Variants in FBXO21 observed in about 807,000 individuals in gnomAD.
The protein encoded by FBXO21 is F-box protein 21.
Under a neutral mutation model 76.6 loss-of-function variants are expected in FBXO21, and 32 were observed. That is an observed-to-expected ratio of 0.42 (90% CI 0.32 to 0.56). The LOEUF is 0.56. Ranked by LOEUF, FBXO21 falls within the 20% of genes least tolerant of loss-of-function variation. FBXO21 has a pLI of 0.16. For missense variants in FBXO21, 586 were observed against 797.3 expected, an observed-to-expected ratio of 0.73 and a Z score of 3.19; for synonymous variants, 328 against 311.5, an observed-to-expected ratio of 1.05 and a Z score of -0.56.
intron 11 of FBXO21, among the ~76,000 whole-genome samples, chr12:117,151,742 G>C (rs1955844859): frequency 6.6e-6 from 1 of 152,130 alleles, no homozygotes; most frequent in Non-Finnish European, 1.5e-5. Context: ...CAGGGGAGGA[G>C]AGAGGGAGGG....
Position 117,142,673 on chromosome 12 carries a change from C to CAAAAAAAAAAAAA in FBXO21, c.*3401_*3413dup, listed in dbSNP as rs761025781. Reference sequence around the variant, plus strand: ...TCCAGTTGATGTCTCTCCTTCCCTCCAAAAAAAAAAAAAAAAAAAAAAGAC... The same window carrying CAAAAAAAAAAAAA: ...TCCAGTTGATGTCTCTCCTTCCCTCCAAAAAAAAAAAAAAAAAAAAAAAAAAAAAAAAAAAGAC... On this transcript the variant is annotated 3_prime_UTR_variant, in exon 12 of 12. Transcript: ENST00000622495. 9.9e-6 allele frequency: 1 copy of CAAAAAAAAAAAAA among 100,680 alleles called. No homozygotes were observed. Among genetic ancestry groups the CAAAAAAAAAAAAA allele is most frequent in the African/African-American group, 3.8e-5 (1 of 26,058 alleles). The allele number at this position is 100,680 out of a possible 1,614,324, so 6.2% of individuals were successfully genotyped here.
At chr12:117,157,235 G>A (rs4767508) in intron 10 of FBXO21, among the ~76,000 whole-genome samples, 27,216 of 151,710 alleles carry the variant, frequency 0.18, 3,147 homozygotes, top group Admixed American at 0.34. Flanking sequence ...TTGAATAGGC[G>A]CTTAATAAAA....
At chr12:117,162,329 G>A (rs891073760) in intron 9 of FBXO21, among the ~76,000 whole-genome samples, 1 of 152,208 alleles carries the variant, frequency 6.6e-6, no homozygotes, top group African/African-American at 2.4e-5. Flanking sequence ...ACTGTACCAC[G>A]GGATGCCGCA....
At position 117,174,720 on chromosome 12, in the gene FBXO21, T is replaced by C. The variant is rs1329632207; in HGVS notation, c.670A>G (p.Ile224Val). The C allele has an allele frequency of 1.2e-6, 2 of 1,614,116 alleles. No individual in the cohort carries two copies. The highest frequency in any genetic ancestry group is 1.7e-5 in the Admixed American group (1 of 60,008). The change falls in exon 5 of 12, where the codon ATC (isoleucine) becomes GTC (valine). Residue 224 changes from isoleucine (I) to valine (V), a missense_variant. Ile to Val is a conservative substitution (Grantham distance 29). Transcript: ENST00000622495. Reference sequence around the variant, plus strand: ...AGGGTTTTGCAAACAAGCTCCACGATGCTGTCAATTTGGGCCTGGATGTCT... The same window carrying C: ...AGGGTTTTGCAAACAAGCTCCACGACGCTGTCAATTTGGGCCTGGATGTCT... ...LKDIQAQIDS[I>V]VELVCKTLRG...
At chr12:117,161,459 G>A (rs1230149908) in intron 9 of FBXO21, among the ~76,000 whole-genome samples, 1 of 152,028 alleles carries the variant, frequency 6.6e-6, no homozygotes, top group Non-Finnish European at 1.5e-5. Flanking sequence ...ACCCTGAGGG[G>A]TTTAAGCAGT....
At chr12:117,162,936 C>T (rs996422894) in intron 9 of FBXO21, among the ~76,000 whole-genome samples, 1 of 152,194 alleles carries the variant, frequency 6.6e-6, no homozygotes, top group Non-Finnish European at 1.5e-5. Context: ...AAGGTCACAC[C>T]TGAAACCCTT....
In FBXO21 at chr12:117,158,121, T is replaced by C. The variant is rs781698629; in HGVS notation, c.1327-58A>G. 2.5e-6 allele frequency: 4 copies of C among 1,602,922 alleles called. No homozygotes were observed. The South Asian group carries it at 3.3e-5, about 13-fold the overall frequency. The stretch of plus-strand genomic sequence containing the variant: ...TATTTTCAGCTAGGCCTTTTCTTTT[T>C]TGCGGCGAGGGATTTAGACCTACCT... On this transcript the variant is annotated intron_variant, in intron 9 of 11. Transcript: ENST00000622495.
At chr12:117,167,997 G>A (rs1282994165) in intron 7 of FBXO21, among the ~76,000 whole-genome samples, 3 of 152,158 alleles carry the variant, frequency 2.0e-5, no homozygotes, top group African/African-American at 7.2e-5. Flanking sequence ...ACAATGCTGA[G>A]CAGTGGTCAC....
At chr12:117,184,070 T>C (rs1042439093) in intron 3 of FBXO21, among the ~76,000 whole-genome samples, 11 of 152,032 alleles carry the variant, frequency 7.2e-5, no homozygotes, top group African/African-American at 2.7e-4. Context: ...TAAGATGGCC[T>C]AATATCTAGT....
chr12:117,181,599 G>GTCTA (rs1555242788), intron 3 of FBXO21, among the ~76,000 whole-genome samples: 21,743 of 145,474 alleles, frequency 0.15, 1,976 homozygotes, highest in Non-Finnish European at 0.2. Flanking sequence ...ATCTGAGACA[G>GTCTA]TCTATCTATC....
chr12:117,184,863 T>C (rs776913304), intron 3 of FBXO21, among the ~76,000 whole-genome samples: 1 of 152,236 alleles, frequency 6.6e-6, no homozygotes, highest in Non-Finnish European at 1.5e-5. Flanking sequence ...CATAAGGTAC[T>C]GTTGAATGAG....
intron 7 of FBXO21, among the ~76,000 whole-genome samples, chr12:117,169,979 T>C (rs1471568392): frequency 6.6e-6 from 1 of 152,028 alleles, no homozygotes; most frequent in African/African-American, 2.4e-5. Flanking sequence ...TATTCACAGA[T>C]ACTATGATTA....
chr12:117,164,474 CTA>C (rs987804985), intron 9 of FBXO21, among the ~76,000 whole-genome samples: 30 of 152,188 alleles, frequency 2.0e-4, no homozygotes, highest in Admixed American at 1.4e-3. Context: ...TGGGATTTCA[CTA>C]TGTTGGCCAG....
At chr12:117,184,419 A>T (rs1285788647) in intron 3 of FBXO21, among the ~76,000 whole-genome samples, 1 of 152,088 alleles carries the variant, frequency 6.6e-6, no homozygotes, top group Non-Finnish European at 1.5e-5. Flanking sequence ...CACTCCTCAC[A>T]GTGACACAAA....
chr12:117,184,666 T>G (rs1445076675), intron 3 of FBXO21, among the ~76,000 whole-genome samples: 6 of 152,048 alleles, frequency 3.9e-5, no homozygotes, highest in Admixed American at 2.6e-4. Context: ...AGCAGGACAA[T>G]CTCTTGGACC....
intron 3 of FBXO21, among the ~76,000 whole-genome samples, chr12:117,177,940 G>A (rs1592892541): frequency 6.6e-6 from 1 of 152,274 alleles, no homozygotes; most frequent in Non-Finnish European, 1.5e-5. Context: ...TCAGAAGATG[G>A]GGAGGCATCT....
chr12:117,189,207 C>T lies in FBXO21; in HGVS notation c.375+20G>A, dbSNP rs1474604727. On this transcript the variant is annotated intron_variant, in intron 2 of 11. Transcript: ENST00000622495. ...TACACCAGCAAGCCAAAGCTTAGAG[C>T]CACATCAACAGATCCTTACGTGCTC... 1.9e-6 allele frequency: 3 copies of T among 1,614,118 alleles called. No homozygotes were observed. Among genetic ancestry groups the T allele is most frequent in the Non-Finnish European group, 2.5e-6 (3 of 1,180,008 alleles).
intron 4 of FBXO21, 64 bp downstream of exon 4, chr12:117,177,456 T>C (rs573974393): frequency 2.1e-5 from 31 of 1,504,918 alleles, no homozygotes; most frequent in Non-Finnish European, 2.7e-5. Context: ...CCTCTGCTGG[T>C]CTTAAAAAAC....
At chr12:117,180,317 C>T (rs113342838) in intron 3 of FBXO21, among the ~76,000 whole-genome samples, 58 of 152,328 alleles carry the variant, frequency 3.8e-4, no homozygotes, top group African/African-American at 1.3e-3. Flanking sequence ...AGCAAACAGA[C>T]GTAGGAAGCC....
Sources: gnomAD v4.1 joint callset for allele counts (sites outside exome capture counted in the v4.1 genomes callset) on GRCh38, gnomAD v4.1.1 for gene constraint, MANE v1.5 for transcripts, NCBI Gene and HGNC (gene_info 2026-07-23, HGNC 2026-07-21) for gene names.